Variants in TET3 observed in about 807,000 individuals in gnomAD.
The protein encoded by TET3 is methylcytosine dioxygenase TET3.
In TET3, 19 loss-of-function variants were observed where a neutral mutation model predicts 141.4. The ratio of observed to expected loss-of-function variants is 0.13; its 90% CI spans 0.09 to 0.20. The LOEUF (loss-of-function observed/expected upper bound fraction) is 0.20, where lower values mean the gene tolerates loss of function less well. Among genes scored for constraint, TET3 ranks in the 10% least tolerant of loss-of-function variants. The probability of loss-of-function intolerance (pLI) is 1.00; values close to 1 mark genes in which losing one functional copy is unlikely to be tolerated. For missense variants in TET3, 1,874 were observed against 2,356.9 expected (o/e 0.80, Z 4.24); for synonymous variants, 1,043 against 980.9 (o/e 1.06, Z -1.18).
chr2:74,040,275 T>C (rs1445493891), intron 3 of TET3, among the ~76,000 whole-genome samples: 1 of 151,700 alleles, frequency 6.6e-6, no homozygotes, highest in Non-Finnish European at 1.5e-5. Flanking sequence ...GGAGGGGGCT[T>C]GGGGATACAT....
At chr2:74,019,172 G>T (rs1335222901) in intron 3 of TET3, among the ~76,000 whole-genome samples, 1 of 152,200 alleles carries the variant, frequency 6.6e-6, no homozygotes, top group Non-Finnish European at 1.5e-5. Flanking sequence ...TGGGAGGATC[G>T]CTGTAGCCCA....
intron 3 of TET3, among the ~76,000 whole-genome samples, chr2:74,023,796 C>T (rs1686195711): frequency 6.6e-6 from 1 of 152,068 alleles, no homozygotes; most frequent in Middle Eastern, 3.2e-3. Context: ...GGTTATATTC[C>T]TTTTATATTT....
At chr2:74,060,674 T>G (rs1290254324) in intron 4 of TET3, among the ~76,000 whole-genome samples, 1 of 152,166 alleles carries the variant, frequency 6.6e-6, no homozygotes, top group Non-Finnish European at 1.5e-5. Context: ...CCCTGCGGCC[T>G]TCCGCAGTGT....
intron 3 of TET3, among the ~76,000 whole-genome samples, chr2:74,034,376 A>C (rs1311943473): frequency 1.3e-5 from 2 of 152,054 alleles, no homozygotes; most frequent in African/African-American, 4.8e-5. Flanking sequence ...CATCATTGAA[A>C]TTACCTGGGT....
intron 6 of TET3, among the ~76,000 whole-genome samples, chr2:74,086,084 C>G (rs1690139480): frequency 6.6e-6 from 1 of 152,246 alleles, no homozygotes. Flanking sequence ...TGTAAGCCCC[C>G]TGCTCACCAT....
At chr2:74,071,221 C>T (rs1689184905) in intron 4 of TET3, among the ~76,000 whole-genome samples, 1 of 152,214 alleles carries the variant, frequency 6.6e-6, no homozygotes, top group Non-Finnish European at 1.5e-5. Flanking sequence ...GTGCCACCCT[C>T]TTGACCTAAT....
chr2:74,049,330 G>A (rs1455268975), intron 4 of TET3, among the ~76,000 whole-genome samples: 1 of 152,212 alleles, frequency 6.6e-6, no homozygotes, highest in Non-Finnish European at 1.5e-5. Context: ...TAGTTAGCAT[G>A]CAAGTCATGG....
chr2:74,122,486 C>CATATATAT, the TET3 span: 3 of 89,362 alleles, frequency 3.4e-5, no homozygotes, highest in Non-Finnish European at 6.1e-5. Flanking sequence ...TATATAAATA[C>CATATATAT]ATACATATAT....
chr2:74,099,921 G>C (rs1321591754), intron 11 of TET3, among the ~76,000 whole-genome samples: 1 of 152,178 alleles, frequency 6.6e-6, no homozygotes, highest in Admixed American at 6.5e-5. Flanking sequence ...CTGAGATACT[G>C]AGGTGAGTAG....
chr2:73,994,662 G>A (rs1484735553), intron 2 of TET3, among the ~76,000 whole-genome samples: 7 of 124,092 alleles, frequency 5.6e-5, no homozygotes, highest in African/African-American at 1.4e-4. Context: ...TTTTTGATAC[G>A]GAGTCTCGCT....
At chr2:74,057,444 T>C (rs1450283157) in intron 4 of TET3, among the ~76,000 whole-genome samples, 1 of 152,228 alleles carries the variant, frequency 6.6e-6, no homozygotes, top group African/African-American at 2.4e-5. Context: ...TTCAAACTAA[T>C]AATTGAAACC....
At position 74,046,198 on chromosome 2, in the gene TET3, T is replaced by C; in HGVS notation, c.361-80T>C. 7.5e-7 allele frequency: 1 copy of C among 1,327,882 alleles called. No homozygotes were observed. The highest frequency in any genetic ancestry group is 1.5e-5 in the African/African-American group (1 of 68,232). 82.3% of individuals were successfully genotyped at this position (1,327,882 alleles called of 1,614,324 possible). ...GAAAAGTTGGGGTCAGATGTGCACC[T>C]GAGTGGTATGAAGCAGGGAAATGCT... is the stretch of plus-strand genomic sequence containing the variant. On this transcript the variant is annotated intron_variant, in intron 3 of 11. Coordinates refer to ENST00000409262, the MANE Select transcript of TET3 (RefSeq NM_001287491.2). The surrounding 1 kb of genome is among the most constrained non-coding windows in gnomAD (Gnocchi z 4.3).
chr2:74,081,299 G>C (rs921771187), intron 6 of TET3, among the ~76,000 whole-genome samples: 3 of 152,236 alleles, frequency 2.0e-5, no homozygotes, highest in Admixed American at 2.0e-4. Flanking sequence ...GAAGTGCTGA[G>C]GAGGAGCAGC....
chr2:74,006,686 G>C (rs966084094), intron 3 of TET3, among the ~76,000 whole-genome samples: 23 of 152,204 alleles, frequency 1.5e-4, no homozygotes, highest in Non-Finnish European at 5.9e-5. Flanking sequence ...GGATGGGGGT[G>C]GGGGCAGGGA....
chr2:74,101,754 G>C lies in TET3; in HGVS notation c.4966G>C (p.Val1656Leu). 6.2e-7 allele frequency: 1 copy of C among 1,613,162 alleles called. No homozygotes were observed. Among genetic ancestry groups the C allele is most frequent in the Non-Finnish European group, 8.5e-7 (1 of 1,179,876 alleles). The part of the protein sequence containing the change: ...FLDENIGGVA[V>L]APAHGSILIE... The stretch of plus-strand genomic sequence containing the variant: ...GGACGAGAACATCGGCGGCGTGGCC[G>C]TGGCCCCAGCCCACGGCTCCATCCT... The change falls in exon 12 of 12, where the codon GTG becomes CTG. Residue 1656 changes from valine to leucine, a missense_variant. Physicochemically the swap from Val to Leu is conservative, Grantham distance 32. Around this residue, in one of 10 missense-constraint regions of TET3, gnomAD observed 41 missense variants for 116.8 expected, o/e 0.35. Transcript: ENST00000409262. This position sits in a 1 kb window ranked among gnomAD's most constrained non-coding sequence, Gnocchi z 8.5.
At chr2:74,073,741 C>T in intron 5 of TET3, 102 bp downstream of exon 5, 2 of 920,972 alleles carry the variant, frequency 2.2e-6, no homozygotes, top group Non-Finnish European at 3.2e-6. Flanking sequence ...AGACAATATA[C>T]AGAAAGGAAA....
rs757905123 is a variant in TET3, at chr2:74,046,856, C to T, written c.939C>T (p.Ala313=). 1.7e-5 allele frequency: 28 copies of T among 1,613,314 alleles called. No individual in the cohort carries two copies. Among genetic ancestry groups the T allele is most frequent in the African/African-American group, 8.0e-5 (6 of 74,910 alleles). Residue 313 remains alanine (A), a synonymous_variant, in exon 4 of 12, where the codon GCC becomes GCT. Transcript: ENST00000409262. This position sits in a 1 kb window ranked among gnomAD's most constrained non-coding sequence, Gnocchi z 4.3. ...RLPGPLPPGE[A]GLPAPSTRPL... is the part of the protein sequence containing the mutation. ...CAGGGCCTCTGCCTCCTGGTGAGGC[C>T]GGCCTCCCAGCACCAAGCACCAGGC...
chr2:74,116,841 G>A, the TET3 span, among the ~76,000 whole-genome samples: 5 of 152,054 alleles, frequency 3.3e-5, no homozygotes, highest in African/African-American at 7.2e-5. Flanking sequence ...CTTTGGGTGC[G>A]GCTAGGGGAG....
chr2:74,044,250 C>T (rs1687495394), intron 3 of TET3, among the ~76,000 whole-genome samples: 1 of 152,084 alleles, frequency 6.6e-6, no homozygotes, highest in Non-Finnish European at 1.5e-5. Flanking sequence ...GGACTGATTT[C>T]TTATTTAGCT....
Sources: allele counts gnomAD v4.1 joint callset (sites outside exome capture counted in the v4.1 genomes callset), GRCh38; gene constraint gnomAD v4.1.1; regional missense constraint gnomAD v4.1.1; non-coding constraint Gnocchi (gnomAD v3.1); transcripts MANE v1.5; gene names NCBI Gene and HGNC (gene_info 2026-07-23, HGNC 2026-07-21).